Variants in CATSPERG observed in about 807,000 individuals in gnomAD.
CATSPERG encodes the protein catsper channel auxiliary subunit gamma, also known as cation channel sperm-associated auxiliary subunit gamma.
In CATSPERG, 115 loss-of-function variants were observed where a neutral mutation model predicts 145.0. The observed-to-expected ratio is 0.79, with a 90% CI of 0.68 to 0.93. CATSPERG has a LOEUF of 0.93. CATSPERG is among the 40% of genes least tolerant of loss of function. The probability of loss-of-function intolerance (pLI) is 0.00; values close to 1 mark genes in which losing one functional copy is unlikely to be tolerated. For missense variants in CATSPERG, 1,296 were observed against 1,490.1 expected (o/e 0.87, Z 2.14); for synonymous variants, 588 against 589.0 (o/e 1.00, Z 0.02).
intron 26 of CATSPERG, 61 bp from the exon 27 acceptor site, chr19:38,369,911 T>C (rs1347579828): frequency 4.0e-6 from 6 of 1,508,100 alleles, no homozygotes; most frequent in African/African-American, 2.8e-5. Context: ...GAGGAAGAAA[T>C]TGGGAGTTGG....
chr19:38,362,171 G>A (rs1209010812), intron 17 of CATSPERG, 39 bp from the exon 18 acceptor site: 7 of 1,555,974 alleles, frequency 4.5e-6, no homozygotes, highest in Non-Finnish European at 6.1e-6. Context: ...CTCTCGCCCC[G>A]CTGCCCAATC....
intron 5 of CATSPERG, 32 bp from the exon 6 acceptor site, chr19:38,344,264 C>T (rs1264033238): frequency 6.5e-7 from 1 of 1,548,580 alleles, no homozygotes; most frequent in Non-Finnish European, 8.7e-7. Context: ...ACACTGGGAC[C>T]TCACCTGCGC....
At chr19:38,358,237 C>T in intron 11 of CATSPERG, 41 bp from the exon 12 acceptor site, 2 of 1,605,874 alleles carry the variant, frequency 1.2e-6, no homozygotes, top group Non-Finnish European at 1.7e-6. Flanking sequence ...TTTGAAAGTG[C>T]AGGGCCTCAG....
chr19:38,358,194 C>A, intron 11 of CATSPERG, 84 bp from the exon 12 acceptor site: 1 of 1,397,858 alleles, frequency 7.2e-7, no homozygotes, highest in Non-Finnish European at 1.0e-6. Flanking sequence ...TTACAGGAGG[C>A]TGAGAAGCAA....
At chr19:38,350,566 A>G (rs149038554) in intron 7 of CATSPERG, among the ~76,000 whole-genome samples, 3,339 of 152,124 alleles carry the variant, frequency 0.022, 47 homozygotes, top group Middle Eastern at 0.096. Context: ...TTTAGTAGAG[A>G]TGGGATTTCA....
chr19:38,339,503 C>G (rs747608824), intron 3 of CATSPERG, among the ~76,000 whole-genome samples: 1 of 152,162 alleles, frequency 6.6e-6, no homozygotes, highest in Admixed American at 6.5e-5. Context: ...AACACTCTGT[C>G]GCCCAGGCTG....
intron 17 of CATSPERG, 168 bp downstream of exon 17, chr19:38,362,029 G>A: frequency 4.3e-6 from 4 of 933,454 alleles, no homozygotes; most frequent in East Asian, 5.3e-5. Context: ...AGGACTTCCA[G>A]GGGAAGGCGT....
At chr19:38,362,637 T>TG (rs1970370380) in intron 19 of CATSPERG, 63 bp downstream of exon 19, 3 of 1,569,530 alleles carry the variant, frequency 1.9e-6, no homozygotes, top group South Asian at 1.1e-5. Context: ...TCTGGGAGCC[T>TG]GGGGGGCGGG....
At chr19:38,341,201 G>C (rs1969932311) in intron 3 of CATSPERG, among the ~76,000 whole-genome samples, 1 of 152,210 alleles carries the variant, frequency 6.6e-6, no homozygotes, top group Non-Finnish European at 1.5e-5. Flanking sequence ...TTTACTCTGA[G>C]ACAGAGCCTG....
intron 8 of CATSPERG, 58 bp from the exon 9 acceptor site, chr19:38,354,652 G>A: frequency 2.5e-6 from 4 of 1,587,358 alleles, no homozygotes; most frequent in Non-Finnish European, 2.6e-6. Flanking sequence ...ATGTGGGCAG[G>A]GGGCAGAGGC....
chr19:38,357,671 G>T (rs949597358), intron 11 of CATSPERG, among the ~76,000 whole-genome samples: 1 of 152,112 alleles, frequency 6.6e-6, no homozygotes, highest in Non-Finnish European at 1.5e-5. Context: ...ACAAAAATTG[G>T]CCGGGCACGG....
intron 13 of CATSPERG, 87 bp downstream of exon 13, chr19:38,358,648 G>A (rs1265306915): frequency 6.5e-6 from 10 of 1,530,988 alleles, no homozygotes; most frequent in Non-Finnish European, 9.0e-6. Context: ...CCCAGGCTAG[G>A]CAAGTCTCAC....
chr19:38,365,209 T>C, intron 22 of CATSPERG, 92 bp downstream of exon 22: 1 of 1,098,520 alleles, frequency 9.1e-7, no homozygotes, highest in Non-Finnish European at 1.4e-6. Flanking sequence ...ACTAATGCAT[T>C]CATAATTTCC....
intron 14 of CATSPERG, 177 bp downstream of exon 14, chr19:38,359,758 G>A: frequency 7.3e-7 from 1 of 1,362,660 alleles, no homozygotes; most frequent in East Asian, 2.9e-5. Flanking sequence ...GTAAGTGTCA[G>A]CTCCAAAGTC....
At position 38,362,547 on chromosome 19, in the gene CATSPERG, C is replaced by T. The variant is rs760903598; in HGVS notation, c.2329C>T (p.His777Tyr). ...SFAIFLSAQG[H>Y]SFRTQSELGT... ...CGCCATCTTCCTGTCGGCGCAGGGC[C>T]ACTCGTTCCGGACGCAGTCAGAACT... Residue 777 changes from histidine (H) to tyrosine (Y), a missense_variant, in exon 19 of 29, where the codon CAC (histidine) becomes TAC (tyrosine). Coordinates refer to ENST00000409235, the MANE Select transcript of CATSPERG (RefSeq NM_021185.5). 6 of 1,613,790 alleles carry T rather than the reference C, an allele frequency of 3.7e-6. No homozygotes were observed. The Admixed American group carries it at 1.0e-4, about 27-fold the overall frequency.
intron 3 of CATSPERG, chr19:38,337,942 C>G (rs941389153): frequency 7.1e-6 from 2 of 279,988 alleles, no homozygotes; most frequent in African/African-American, 4.5e-5. Context: ...GTCTCAAACT[C>G]CTGACCTCAT....
In CATSPERG at chr19:38,344,124, C is replaced by A; in HGVS notation, c.596+5C>A. On this transcript the variant is annotated splice_donor_5th_base_variant and intron_variant, in intron 5 of 28. Transcript: ENST00000409235. ...GACCTTCATTCCAGATAAAAGGTAC[C>A]CTTTCCCAAGACGGGGGCTGGGGTG... 6.4e-7 allele frequency: 1 copy of A among 1,551,548 alleles called. No homozygotes were observed. Among genetic ancestry groups the A allele is most frequent in the Non-Finnish European group, 8.7e-7 (1 of 1,146,934 alleles).
intron 3 of CATSPERG, 43 bp from the exon 4 acceptor site, chr19:38,343,537 A>C: frequency 6.7e-7 from 1 of 1,497,928 alleles, no homozygotes; most frequent in Non-Finnish European, 8.9e-7. Context: ...GGGCACCCAG[A>C]GGCTACCATA....
intron 3 of CATSPERG, 133 bp downstream of exon 3, chr19:38,337,779 C>G: frequency 1.3e-6 from 1 of 797,336 alleles, no homozygotes; most frequent in Non-Finnish European, 1.9e-6. Context: ...AGTGCAGTGG[C>G]GCGATCTCGG....
Sources: gnomAD v4.1 joint callset for allele counts (sites outside exome capture counted in the v4.1 genomes callset) on GRCh38, gnomAD v4.1.1 for gene constraint, MANE v1.5 for transcripts, NCBI Gene and HGNC (gene_info 2026-07-23, HGNC 2026-07-21) for gene names.